Variants in MSH3 observed in about 807,000 individuals in gnomAD.
MSH3 encodes the protein DNA mismatch repair protein Msh3.
A neutral mutation model predicts 123.3 loss-of-function variants in MSH3; 106 were observed. That is an observed-to-expected ratio of 0.86 (90% CI 0.73 to 1.01). The LOEUF is 1.01. MSH3 is among the 50% of genes least tolerant of loss of function. MSH3 has a pLI of 0.00. For synonymous variants in MSH3, 515 were observed against 481.4 expected, an observed-to-expected ratio of 1.07 and a Z score of -0.91; for missense variants, 1,459 against 1,347.6, an observed-to-expected ratio of 1.08 and a Z score of -1.29.
At chr5:80,669,894 T>C (rs1226079753) in intron 3 of MSH3, among the ~76,000 whole-genome samples, 3 of 152,238 alleles carry the variant, frequency 2.0e-5, no homozygotes, top group African/African-American at 7.2e-5. Flanking sequence ...ATAGCTTACT[T>C]GGTTCATAAT....
intron 3 of MSH3, among the ~76,000 whole-genome samples, chr5:80,668,121 C>T (rs1677643): frequency 6.6e-6 from 1 of 151,886 alleles, no homozygotes; most frequent in Non-Finnish European, 1.5e-5. Flanking sequence ...AGCCTTCAGC[C>T]GAGAGGGGAC....
At chr5:80,656,317 C>T in intron 1 of MSH3, 94 bp from the exon 2 acceptor site, 1 of 1,534,002 alleles carries the variant, frequency 6.5e-7, no homozygotes. Context: ...GGCAAGGAAC[C>T]TTGTCATTCA....
At chr5:80,761,404 C>T in intron 12 of MSH3, 142 bp from the exon 13 acceptor site, 1 of 1,015,254 alleles carries the variant, frequency 9.8e-7, no homozygotes, top group Non-Finnish European at 1.5e-6. Context: ...GAGTCCTTCC[C>T]ACATGACTAT....
In MSH3 at chr5:80,788,162, C is replaced by G. The variant is rs139630369; in HGVS notation, c.2543+490C>G. Among the ~76,000 whole-genome samples the G allele has an allele frequency of 4.2e-3, 641 of 152,288 alleles. 6 individuals carry two copies. The highest frequency in any genetic ancestry group is 0.014 in the African/African-American group (593 of 41,570). On this transcript the variant is annotated intron_variant, in intron 18 of 23. Transcript: ENST00000265081. ...TAACTTTAAAATTCAGATGGCTGGG[C>G]GCATGGCTCACGCCTCTAATCCCAG...
intron 20 of MSH3, among the ~76,000 whole-genome samples, chr5:80,821,607 A>G (rs761906172): frequency 6.6e-6 from 1 of 152,200 alleles, no homozygotes; most frequent in Non-Finnish European, 1.5e-5. Flanking sequence ...AATATGGGAC[A>G]TTTTCCTGTG....
At chr5:80,742,014 T>C (rs1284633260) in intron 11 of MSH3, among the ~76,000 whole-genome samples, 2 of 151,986 alleles carry the variant, frequency 1.3e-5, no homozygotes, top group Non-Finnish European at 2.9e-5. Context: ...TTTTTTTTTT[T>C]TTCTTCTTTG....
chr5:80,775,467 A>G (rs1385623137), intron 15 of MSH3, among the ~76,000 whole-genome samples: 1 of 152,186 alleles, frequency 6.6e-6, no homozygotes, highest in African/African-American at 2.4e-5. Flanking sequence ...TGAAAGCCCA[A>G]GTATTACAAA....
chr5:80,824,045 G>A (rs991819189), intron 20 of MSH3, among the ~76,000 whole-genome samples: 3 of 152,228 alleles, frequency 2.0e-5, no homozygotes, highest in Non-Finnish European at 4.4e-5. Context: ...TCCCAAGGCA[G>A]AAGAATCTTT....
At chr5:80,834,605 AT>A (rs1225265751) in intron 20 of MSH3, among the ~76,000 whole-genome samples, 1 of 144,938 alleles carries the variant, frequency 6.9e-6, no homozygotes. Context: ...TTTAAATATA[AT>A]TAAAATATAT....
intron 17 of MSH3, among the ~76,000 whole-genome samples, chr5:80,779,544 A>C (rs1436305612): frequency 6.6e-6 from 1 of 151,436 alleles, no homozygotes; most frequent in Non-Finnish European, 1.5e-5. Context: ...AAAAAAATTA[A>C]CATTAATTTT....
chr5:80,790,502 A>T (rs1044840946), intron 18 of MSH3, among the ~76,000 whole-genome samples: 3 of 152,044 alleles, frequency 2.0e-5, no homozygotes, highest in African/African-American at 7.2e-5. Flanking sequence ...ACATTTTGTT[A>T]TTTCTTCATC....
chr5:80,864,734 CA>C (rs1235500534), intron 21 of MSH3, 78 bp from the exon 22 acceptor site: 1 of 1,354,060 alleles, frequency 7.4e-7, no homozygotes, highest in African/African-American at 1.5e-5. Flanking sequence ...TAAAATTTTT[CA>C]AAAGAAAGTG....
chr5:80,840,519 T>G lies in MSH3; in HGVS notation c.2814-13611T>G, dbSNP rs552044967. On this transcript the variant is annotated intron_variant, in intron 20 of 23. Transcript: ENST00000265081. The stretch of plus-strand genomic sequence containing the variant: ...AACTCCGCCTCCCAGGTTCAAGCAA[T>G]TCTCGTGCCTCAACCTCCCGAGTAG... Among the ~76,000 whole-genome samples, 113 of 152,286 alleles carry G rather than the reference T, an allele frequency of 7.4e-4. 1 individual carries two copies. The South Asian group carries it at 0.014, about 19-fold the overall frequency.
chr5:80,795,590 T>G (rs1340778191), intron 19 of MSH3, among the ~76,000 whole-genome samples: 1 of 152,192 alleles, frequency 6.6e-6, no homozygotes, highest in Non-Finnish European at 1.5e-5. Flanking sequence ...TACCATTGCC[T>G]TGAGGGTTAG....
At chr5:80,729,197 T>C (rs976443477) in intron 10 of MSH3, among the ~76,000 whole-genome samples, 3 of 151,826 alleles carry the variant, frequency 2.0e-5, no homozygotes, top group Non-Finnish European at 2.9e-5. Flanking sequence ...GGGCAGATCA[T>C]GAGGTCAGGA....
intron 22 of MSH3, among the ~76,000 whole-genome samples, chr5:80,867,169 A>T (rs1436971218): frequency 1.3e-5 from 2 of 152,228 alleles, no homozygotes; most frequent in African/African-American, 2.4e-5. Flanking sequence ...ACTGGCTCAG[A>T]CAAAAGGATG....
chr5:80,665,171 T>A lies in MSH3; in HGVS notation c.387T>A (p.Asn129Lys). ...SEPKKCLRTR[N>K]VSKSLEKLKE... ...CAAAGAAATGTCTGAGGACCAGGAA[T>A]GTTTCAAAGTCTCTGGAAAAATTGA... is the stretch of plus-strand genomic sequence containing the variant. The change falls in exon 3 of 24, where the codon AAT becomes AAA. Residue 129 changes from asparagine (N) to lysine (K), a missense_variant. Physicochemically the swap from Asn to Lys is moderately conservative, Grantham distance 94. Transcript: ENST00000265081. 1 of 1,614,078 alleles carries A rather than the reference T, an allele frequency of 6.2e-7. No individual in the cohort carries two copies. Among genetic ancestry groups the A allele is most frequent in the Non-Finnish European group, 8.5e-7 (1 of 1,179,960 alleles).
intron 19 of MSH3, among the ~76,000 whole-genome samples, chr5:80,803,224 A>G (rs921710787): frequency 5.9e-5 from 9 of 152,126 alleles, no homozygotes; most frequent in Non-Finnish European, 8.8e-5. Context: ...CCTTTTCTCC[A>G]CATCCTCACC....
chr5:80,680,642 C>A (rs1390764190), intron 8 of MSH3, among the ~76,000 whole-genome samples: 1 of 151,384 alleles, frequency 6.6e-6, no homozygotes, highest in Non-Finnish European at 1.5e-5. Flanking sequence ...CAAACATACA[C>A]AAAATTATAC....
Sources: allele counts gnomAD v4.1 joint callset (sites outside exome capture counted in the v4.1 genomes callset), GRCh38; gene constraint gnomAD v4.1.1; transcripts MANE v1.5; gene names NCBI Gene and HGNC (gene_info 2026-07-23, HGNC 2026-07-21).